Variants in SYT14 observed in about 807,000 individuals in gnomAD.
SYT14 encodes the protein synaptotagmin 14, also known as synaptotagmin-14.
A neutral mutation model predicts 74.2 loss-of-function variants in SYT14; 32 were observed. That is an observed-to-expected ratio of 0.43 (90% confidence interval 0.33 to 0.58). The LOEUF is 0.58. Among genes scored for constraint, SYT14 ranks in the 20% least tolerant of loss-of-function variants. The pLI, the probability that SYT14 is intolerant of heterozygous loss-of-function variation, is 0.05. For synonymous variants in SYT14, 298 were observed against 337.7 expected, an observed-to-expected ratio of 0.88 and a Z score of 1.29; for missense variants, 791 against 981.8, an observed-to-expected ratio of 0.81 and a Z score of 2.60.
exon 4 of SYT14, chr1:210,016,668 G>A (rs1200650291): frequency 1.6e-6 from 2 of 1,231,838 alleles, no homozygotes; most frequent in African/African-American, 1.5e-5. Context: ...ACAGATAATT[G>A]TAAAAAGGAG....
intron 2 of SYT14, among the ~76,000 whole-genome samples, chr1:209,999,385 C>A (rs1558120226): frequency 6.6e-6 from 1 of 152,026 alleles, no homozygotes. Context: ...CCATACAATC[C>A]AGAAATCCTT....
intron 5 of SYT14, among the ~76,000 whole-genome samples, chr1:210,080,284 G>T (rs2081594288): frequency 6.6e-6 from 1 of 152,156 alleles, no homozygotes; most frequent in Non-Finnish European, 1.5e-5. Context: ...TCCCCTAAAA[G>T]AAATCTGAAG....
At chr1:210,124,259 AT>A (rs1278684401) in intron 7 of SYT14, among the ~76,000 whole-genome samples, 2 of 152,096 alleles carry the variant, frequency 1.3e-5, no homozygotes, top group African/African-American at 4.8e-5. Context: ...AAAAAAATAA[AT>A]AAATAACTCC....
At chr1:210,158,524 T>G (rs1014065352) in intron 8 of SYT14, among the ~76,000 whole-genome samples, 21 of 152,204 alleles carry the variant, frequency 1.4e-4, no homozygotes, top group Admixed American at 1.2e-3. Context: ...TGCCTTTCTA[T>G]CCTTACTGTA....
chr1:210,111,450 A>G (rs931500146), intron 7 of SYT14, among the ~76,000 whole-genome samples: 21 of 151,314 alleles, frequency 1.4e-4, no homozygotes, highest in Non-Finnish European at 2.5e-4. Flanking sequence ...CAGAGGCCTG[A>G]CATTGTTTTC....
chr1:210,075,333 C>T (rs1318206984), intron 5 of SYT14, among the ~76,000 whole-genome samples: 1 of 140,784 alleles, frequency 7.1e-6, no homozygotes, highest in Non-Finnish European at 1.5e-5. Flanking sequence ...GCTAGGGTCT[C>T]GAGGGTTTGT....
At chr1:209,968,531 G>A (rs974253084) in intron 2 of SYT14, among the ~76,000 whole-genome samples, 6 of 151,906 alleles carry the variant, frequency 3.9e-5, no homozygotes, top group African/African-American at 1.2e-4. Flanking sequence ...AGTATGCTCC[G>A]CATATTCATC....
exon 10 of SYT14, chr1:210,167,552 A>G (rs895496672): frequency 1.3e-5 from 2 of 152,212 alleles, no homozygotes. Flanking sequence ...CACATTTTAC[A>G]TTTTGAAGTT....
intron 5 of SYT14, among the ~76,000 whole-genome samples, chr1:210,066,689 G>A (rs1189545466): frequency 6.6e-6 from 1 of 152,116 alleles, no homozygotes; most frequent in Non-Finnish European, 1.5e-5. Context: ...TGTTCACTCT[G>A]ATGGTAATTT....
chr1:210,125,678 T>C (rs1159899347), intron 7 of SYT14, among the ~76,000 whole-genome samples: 1 of 152,168 alleles, frequency 6.6e-6, no homozygotes, highest in African/African-American at 2.4e-5. Flanking sequence ...TTAAATCTCT[T>C]TCTTAAAATA....
chr1:210,030,183 C>T (rs987121497), intron 5 of SYT14, among the ~76,000 whole-genome samples: 6 of 151,670 alleles, frequency 4.0e-5, no homozygotes, highest in African/African-American at 1.5e-4. Context: ...GCTCTATTGC[C>T]CAGGCTGGAG....
chr1:210,069,252 T>C (rs2081351234), intron 5 of SYT14, among the ~76,000 whole-genome samples: 2 of 151,946 alleles, frequency 1.3e-5, no homozygotes, highest in Non-Finnish European at 2.9e-5. Context: ...ATGCATTCTC[T>C]AATTCTTCGT....
intron 2 of SYT14, among the ~76,000 whole-genome samples, chr1:209,979,198 C>G (rs1338186952): frequency 6.6e-6 from 1 of 152,174 alleles, no homozygotes; most frequent in Non-Finnish European, 1.5e-5. Context: ...GCTGGGTGCA[C>G]TGCACCCACT....
At chr1:210,068,672 T>C (rs2102435387) in intron 5 of SYT14, among the ~76,000 whole-genome samples, 1 of 151,868 alleles carries the variant, frequency 6.6e-6, no homozygotes, top group African/African-American at 2.4e-5. Flanking sequence ...AGAATTATGA[T>C]TGTAAAGTTG....
intron 2 of SYT14, among the ~76,000 whole-genome samples, chr1:209,957,955 C>T (rs1198426059): frequency 1.3e-5 from 2 of 151,830 alleles, no homozygotes; most frequent in Non-Finnish European, 2.9e-5. Context: ...TTCCTTCTTT[C>T]TCTCTGTCTT....
chr1:210,042,157 A>G (rs988832392), intron 5 of SYT14, among the ~76,000 whole-genome samples: 1 of 152,140 alleles, frequency 6.6e-6, no homozygotes. Flanking sequence ...GTCCTCCTGC[A>G]TGGACAGGGA....
Position 210,143,488 on chromosome 1 carries a change from G to A in SYT14, c.2035-12233G>A, listed in dbSNP as rs538058962. On this transcript the variant is annotated intron_variant, in intron 7 of 9. Transcript: ENST00000637265. Reference sequence around the variant, plus strand: ...GAGTATATTATATTCATTTGCTCCCGTTTGTTTATATTTTAATATCTTGAA... The same window carrying A: ...GAGTATATTATATTCATTTGCTCCCATTTGTTTATATTTTAATATCTTGAA... Among the ~76,000 whole-genome samples, 13 of 152,022 alleles carry A rather than the reference G, an allele frequency of 8.6e-5. No homozygotes were observed. In the East Asian group the frequency reaches 1.9e-3, roughly 23 times the overall value.
At chr1:210,144,601 TTTCAC>T in intron 7 of SYT14, among the ~76,000 whole-genome samples, 1 of 152,194 alleles carries the variant, frequency 6.6e-6, no homozygotes, top group South Asian at 2.1e-4. Context: ...ATTCAATAGA[TTTCAC>T]TAACCACTGT....
chr1:210,140,763 T>C (rs1448121225), intron 7 of SYT14, among the ~76,000 whole-genome samples: 2 of 152,156 alleles, frequency 1.3e-5, no homozygotes, highest in African/African-American at 2.4e-5. Flanking sequence ...AAATCTTTTT[T>C]TCATTTATTT....
Sources: allele counts gnomAD v4.1 joint callset (sites outside exome capture counted in the v4.1 genomes callset), GRCh38; gene constraint gnomAD v4.1.1; transcripts MANE v1.5; gene names NCBI Gene and HGNC (gene_info 2026-07-23, HGNC 2026-07-21).